The following JARID2 variants were observed in gnomAD, a reference collection of about 807,000 sequenced individuals.
The protein encoded by JARID2 is protein Jumonji.
Under a neutral mutation model 125.6 loss-of-function variants are expected in JARID2, and 21 were observed. The ratio of observed to expected loss-of-function variants is 0.17; its 90% CI spans 0.12 to 0.24. The LOEUF is 0.24. JARID2 is among the 10% of genes least tolerant of loss of function. The probability of loss-of-function intolerance (pLI) is 1.00; values close to 1 mark genes in which losing one functional copy is unlikely to be tolerated. For missense variants in JARID2, 1,303 were observed against 1,639.6 expected (o/e 0.79, Z 3.55); for synonymous variants, 736 against 661.6 (o/e 1.11, Z -1.73).
intron 2 of JARID2, among the ~76,000 whole-genome samples, chr6:15,403,304 T>C (rs1400334574): frequency 1.3e-5 from 2 of 152,198 alleles, no homozygotes; most frequent in African/African-American, 4.8e-5. Flanking sequence ...TTTATTTTTG[T>C]TGGAGCCTTT....
intron 3 of JARID2, among the ~76,000 whole-genome samples, chr6:15,413,874 C>T (rs982665761): frequency 6.6e-5 from 10 of 152,216 alleles, no homozygotes; most frequent in African/African-American, 1.4e-4. Flanking sequence ...AGATCTCACC[C>T]TCTCAGCACT....
chr6:15,375,318 C>T (rs962145710), intron 2 of JARID2, among the ~76,000 whole-genome samples: 20 of 152,184 alleles, frequency 1.3e-4, no homozygotes, highest in African/African-American at 4.1e-4. Flanking sequence ...TCCACTGTTG[C>T]GTGACTTGAA....
chr6:15,261,256 G>T (rs943947361), intron 1 of JARID2, among the ~76,000 whole-genome samples: 8 of 151,768 alleles, frequency 5.3e-5, no homozygotes, highest in African/African-American at 1.9e-4. Context: ...TGTTTTTCAG[G>T]ACAGGCATTA....
At chr6:15,268,153 C>T (rs573293881) in intron 1 of JARID2, among the ~76,000 whole-genome samples, 3 of 152,274 alleles carry the variant, frequency 2.0e-5, no homozygotes, top group Admixed American at 6.5e-5. Context: ...AACCAAACCT[C>T]CAAACCCTTC....
chr6:15,449,428 T>C (rs1767817841), intron 3 of JARID2, among the ~76,000 whole-genome samples: 1 of 151,958 alleles, frequency 6.6e-6, no homozygotes, highest in Non-Finnish European at 1.5e-5. Context: ...GGAGATAGGC[T>C]TGAGGCCAGG....
intron 1 of JARID2, among the ~76,000 whole-genome samples, chr6:15,329,290 G>A (rs1581418923): frequency 1.3e-5 from 2 of 151,974 alleles, no homozygotes; most frequent in Admixed American, 1.3e-4. Context: ...CTGCTTTGTG[G>A]TTGTGATTAA....
At chr6:15,472,324 G>T (rs1341709548) in intron 5 of JARID2, among the ~76,000 whole-genome samples, 1 of 152,058 alleles carries the variant, frequency 6.6e-6, no homozygotes, top group Non-Finnish European at 1.5e-5. Flanking sequence ...TAGAGGAGCT[G>T]CAGGAAGCAT....
intron 5 of JARID2, among the ~76,000 whole-genome samples, chr6:15,486,353 C>G (rs1248483171): frequency 6.6e-6 from 1 of 152,234 alleles, no homozygotes; most frequent in Non-Finnish European, 1.5e-5. Flanking sequence ...TCCCTGTTCT[C>G]TTTTGAAGTC....
intron 1 of JARID2, among the ~76,000 whole-genome samples, chr6:15,295,906 C>T (rs1761395126): frequency 6.6e-6 from 1 of 152,166 alleles, no homozygotes; most frequent in Admixed American, 6.5e-5. Flanking sequence ...CATGATCCAC[C>T]CTCCTTGGCC....
At chr6:15,359,509 T>C (rs1441189786) in intron 1 of JARID2, among the ~76,000 whole-genome samples, 3 of 152,152 alleles carry the variant, frequency 2.0e-5, no homozygotes. Flanking sequence ...TATTTTTAGC[T>C]ACCCGCGTGG....
At chr6:15,413,032 T>TTTTTTTTTTTTTTTTTTTTTTC (rs1765969798) in intron 3 of JARID2, among the ~76,000 whole-genome samples, 1 of 139,212 alleles carries the variant, frequency 7.2e-6, no homozygotes, top group Non-Finnish European at 1.5e-5. Context: ...TGTTTTTTTT[T>TTTTTTTTTTTTTTTTTTTTTTC]TTTTGAGACT....
At chr6:15,491,450 C>T (rs1043642925) in intron 6 of JARID2, among the ~76,000 whole-genome samples, 2 of 152,204 alleles carry the variant, frequency 1.3e-5, no homozygotes, top group African/African-American at 2.4e-5. Flanking sequence ...TGTTTAGGCT[C>T]TTTGTTTTTG....
chr6:15,283,057 T>C (rs34723797), intron 1 of JARID2, among the ~76,000 whole-genome samples: 1,951 of 151,510 alleles, frequency 0.013, 26 homozygotes, highest in Non-Finnish European at 0.013. Flanking sequence ...TGGCTCACTG[T>C]AAGCTCTGCC....
chr6:15,486,756 T>C (rs1263989148), intron 5 of JARID2, among the ~76,000 whole-genome samples: 2 of 151,326 alleles, frequency 1.3e-5, no homozygotes, highest in Non-Finnish European at 2.9e-5. Context: ...CTCATGCATG[T>C]CAGTAGCTCT....
intron 3 of JARID2, among the ~76,000 whole-genome samples, chr6:15,428,681 G>A (rs1274130443): frequency 6.6e-6 from 1 of 152,060 alleles, no homozygotes. Flanking sequence ...CAAGACTGGC[G>A]AATCACCTGA....
intron 1 of JARID2, among the ~76,000 whole-genome samples, chr6:15,354,170 G>A (rs565226924): frequency 2.8e-4 from 43 of 152,310 alleles, no homozygotes; most frequent in African/African-American, 9.4e-4. Context: ...TTAAACAGAG[G>A]TAGGTGGCTC....
intron 3 of JARID2, among the ~76,000 whole-genome samples, chr6:15,422,917 T>A (rs563106158): frequency 6.9e-4 from 105 of 152,104 alleles, no homozygotes; most frequent in Non-Finnish European, 9.6e-4. Context: ...TGTTGTTGAG[T>A]CCATCTTGTC....
intron 5 of JARID2, among the ~76,000 whole-genome samples, chr6:15,473,928 A>G (rs1769217764): frequency 6.6e-6 from 1 of 152,242 alleles, no homozygotes; most frequent in African/African-American, 2.4e-5. Context: ...CCGGGGGAAC[A>G]TGGTGGTTTC....
chr6:15,493,690 G>A (rs1033924161), intron 6 of JARID2, among the ~76,000 whole-genome samples: 1 of 137,962 alleles, frequency 7.2e-6, no homozygotes, highest in Non-Finnish European at 1.5e-5. Context: ...CTTTGTTGCT[G>A]GAAATAAAGA....
Sources: gnomAD v4.1 joint callset for allele counts (sites outside exome capture counted in the v4.1 genomes callset) on GRCh38, gnomAD v4.1.1 for gene constraint, MANE v1.5 for transcripts, NCBI Gene and HGNC (gene_info 2026-07-23, HGNC 2026-07-21) for gene names.